The following TERT variants were observed in gnomAD, a reference collection of about 807,000 sequenced individuals.
TERT encodes the protein telomerase catalytic subunit.
In TERT, 42 loss-of-function variants were observed where a neutral mutation model predicts 104.0. The ratio of observed to expected loss-of-function variants is 0.40; its 90% CI spans 0.32 to 0.52. The LOEUF is 0.52. TERT is among the 20% of genes least tolerant of loss of function. The pLI, the probability that TERT is intolerant of heterozygous loss-of-function variation, is 0.43. For synonymous variants in TERT, 781 were observed against 725.6 expected (o/e 1.08, Z -1.23); for missense variants, 1,101 against 1,610.3 (o/e 0.68, Z 5.41).
intron 6 of TERT, among the ~76,000 whole-genome samples, chr5:1,277,574 G>C (rs1420256691): frequency 6.7e-6 from 1 of 148,362 alleles, no homozygotes; most frequent in Non-Finnish European, 1.5e-5. Context: ...GGGTCACGGT[G>C]GGGGCGGTAG....
In TERT at chr5:1,254,244, C is replaced by T; in HGVS notation, c.3295+124G>A. ...ATAGGGCTGCCAGCGTGGCTCCAGG[C>T]CCCCAGGGTCAGGCCCGGGGGCGTC... On this transcript the variant is annotated intron_variant, in intron 15 of 15. Transcript: ENST00000310581. 2.2e-6 allele frequency: 3 copies of T among 1,339,414 alleles called. No homozygotes were observed. The South Asian group carries it at 3.6e-5, about 16-fold the overall frequency. 83.0% of individuals were successfully genotyped at this position (1,339,414 alleles called of 1,614,324 possible).
chr5:1,277,838 C>G (rs1486060167), intron 6 of TERT, among the ~76,000 whole-genome samples: 2 of 152,200 alleles, frequency 1.3e-5, no homozygotes, highest in Non-Finnish European at 2.9e-5. Context: ...CAGACCGAAG[C>G]TCCAGGGATA....
At chr5:1,293,040 G>A (rs183709090) in intron 2 of TERT, among the ~76,000 whole-genome samples, 1 of 152,304 alleles carries the variant, frequency 6.6e-6, no homozygotes, top group African/African-American at 2.4e-5. Context: ...CCACTGCCGC[G>A]CCCAGCCTCC....
At chr5:1,271,091 G>T in intron 8 of TERT, 28 bp downstream of exon 8, 1 of 1,597,946 alleles carries the variant, frequency 6.3e-7, no homozygotes, top group Non-Finnish European at 8.6e-7. Flanking sequence ...CCACCCGCAG[G>T]GCAATGGCAC....
At position 1,264,207 on chromosome 5, in the gene TERT, C is replaced by T. The variant is rs928549691; in HGVS notation, c.2843+197G>A. On this transcript the variant is annotated intron_variant, in intron 11 of 15. Coordinates refer to ENST00000310581, the MANE Select transcript of TERT (RefSeq NM_198253.3). The stretch of plus-strand genomic sequence containing the variant: ...CCAAAATAGCACAGAAAACTGCTCC[C>T]GTTGTGAGCACCCTCACTCCCACAG... The T allele has an allele frequency of 8.4e-5, 52 of 618,640 alleles. 1 individual carries two copies. The highest frequency in any genetic ancestry group is 1.2e-4 in the Non-Finnish European group (42 of 349,248). The allele number at this position is 618,640 out of a possible 1,614,324, so 38.3% of individuals were successfully genotyped here.
Position 1,287,506 on chromosome 5 carries a change from A to ATAT in TERT, c.1574-4883_1574-4882insATA, listed in dbSNP as rs1554041987. On this transcript the variant is annotated intron_variant, in intron 2 of 15. Coordinates refer to ENST00000310581, the MANE Select transcript of TERT (RefSeq NM_198253.3). The surrounding 1 kb of genome is among the most constrained non-coding windows in gnomAD (Gnocchi z 4.3). ...GACCAAGACTCTGTCTCAAAAAAAA[A>ATAT]AAATATATATATATATATATAAATT... 3.0e-4 allele frequency among the ~76,000 whole-genome samples: 39 copies of ATAT among 130,234 alleles called. No individual in the cohort carries two copies. Among genetic ancestry groups the ATAT allele is most frequent in the South Asian group, 8.1e-4 (3 of 3,684 alleles). The allele number at this position is 130,234 out of a possible 152,430, so 85.4% of individuals were successfully genotyped here.
chr5:1,284,725 T>A (rs1750356349), intron 2 of TERT, among the ~76,000 whole-genome samples: 1 of 137,844 alleles, frequency 7.3e-6, no homozygotes, highest in African/African-American at 2.8e-5. Flanking sequence ...ACACCACACA[T>A]CCAGCTCACA....
In TERT at chr5:1,261,334, G is replaced by C. The variant is rs112044700; in HGVS notation, c.2844-734C>G. ...TTAATGGCAGAGCAAGTTTTGTGAT[G>C]CATAATATCTCCTTAGCCCTGTATT... On this transcript the variant is annotated intron_variant, in intron 11 of 15. Transcript: ENST00000310581. This position sits in a 1 kb window ranked among gnomAD's most constrained non-coding sequence, Gnocchi z 7.4. Among the ~76,000 whole-genome samples the C allele has an allele frequency of 9.8e-5, 15 of 152,310 alleles. No individual in the cohort carries two copies. Among genetic ancestry groups the C allele is most frequent in the African/African-American group, 3.6e-4 (15 of 41,566 alleles).
rs947077229 is a variant in TERT at position 1,287,994 on chromosome 5, A to T, written c.1573+5319T>A. On this transcript the variant is annotated intron_variant, in intron 2 of 15. Transcript: ENST00000310581. The surrounding 1 kb of genome is among the most constrained non-coding windows in gnomAD (Gnocchi z 4.3). Reference sequence around the variant, plus strand: ...ACAACTGAGTTAGAAATCAATAATAAAATGATAACTTAAAATACTCTACGT... The same window carrying T: ...ACAACTGAGTTAGAAATCAATAATATAATGATAACTTAAAATACTCTACGT... Among the ~76,000 whole-genome samples, 2 of 152,112 alleles carry T rather than the reference A, an allele frequency of 1.3e-5. No homozygotes were observed. The highest frequency in any genetic ancestry group is 4.8e-5 in the African/African-American group (2 of 41,424).
In TERT at chr5:1,261,254, T is replaced by C. The variant is rs563285557; in HGVS notation, c.2844-654A>G. On this transcript the variant is annotated intron_variant, in intron 11 of 15. Transcript: ENST00000310581. The surrounding 1 kb of genome is among the most constrained non-coding windows in gnomAD (Gnocchi z 7.4). Reference sequence around the variant, plus strand: ...ACATCCAGCTTTGAACACTGCTACATTGAAATAAACGTTTTGTGCCATTAA... The same window carrying C: ...ACATCCAGCTTTGAACACTGCTACACTGAAATAAACGTTTTGTGCCATTAA... 6.6e-6 allele frequency among the ~76,000 whole-genome samples: 1 copy of C among 152,342 alleles called. No homozygotes were observed. Among genetic ancestry groups the C allele is most frequent in the East Asian group, 1.9e-4 (1 of 5,188 alleles).
chr5:1,275,392 G>C (rs200672635), intron 6 of TERT, among the ~76,000 whole-genome samples: 2 of 145,884 alleles, frequency 1.4e-5, no homozygotes, highest in Non-Finnish European at 3.0e-5. Flanking sequence ...AAAAAAAAAA[G>C]AAAGAAAAAA....
chr5:1,278,859 C>T (rs1749803909), intron 5 of TERT, 63 bp from the exon 6 acceptor site: 1 of 1,607,936 alleles, frequency 6.2e-7, no homozygotes, highest in Non-Finnish European at 8.5e-7. Context: ...TCACCTCTGC[C>T]CTCAGGGCCT....
intron 3 of TERT, among the ~76,000 whole-genome samples, 194 bp from the exon 4 acceptor site, chr5:1,280,532 C>T (rs1034092023): frequency 1.3e-5 from 2 of 152,184 alleles, no homozygotes; most frequent in African/African-American, 4.8e-5. Flanking sequence ...ACTTGCAGGG[C>T]ACCTGGACAC....
At position 1,274,261 on chromosome 5, in the gene TERT, G is replaced by C. The variant is rs1749375940; in HGVS notation, c.2287-1981C>G. Among the ~76,000 whole-genome samples, 1 of 152,176 alleles carries C rather than the reference G, an allele frequency of 6.6e-6. No homozygotes were observed. Among genetic ancestry groups the C allele is most frequent in the Non-Finnish European group, 1.5e-5 (1 of 68,044 alleles). The stretch of plus-strand genomic sequence containing the variant: ...GAAGGCAGTAACAGGAAGGTACATG[G>C]GGCCTGCACCCTTCCCAACCCAGGA... On this transcript the variant is annotated intron_variant, in intron 6 of 15. Coordinates refer to ENST00000310581, the MANE Select transcript of TERT (RefSeq NM_198253.3). The surrounding 1 kb of genome is among the most constrained non-coding windows in gnomAD (Gnocchi z 5.3).
intron 2 of TERT, among the ~76,000 whole-genome samples, chr5:1,283,286 A>G: frequency 8.1e-6 from 1 of 123,154 alleles, no homozygotes. Context: ...GGGCCTGGCG[A>G]CCTCACGCCA....
rs1748384177 is a variant in TERT at position 1,263,667 on chromosome 5, A to G, written c.2843+737T>C. Among the ~76,000 whole-genome samples, 1 of 152,196 alleles carries G rather than the reference A, an allele frequency of 6.6e-6. No homozygotes were observed. Among genetic ancestry groups the G allele is most frequent in the South Asian group, 2.1e-4 (1 of 4,828 alleles). On this transcript the variant is annotated intron_variant, in intron 11 of 15. Transcript: ENST00000310581. This position sits in a 1 kb window ranked among gnomAD's most constrained non-coding sequence, Gnocchi z 5.3. ...GTGATCCACCCACCTCGGCCTCCCA[A>G]AGTGCTGGGATTATAGGTGTGAGCC...
At chr5:1,282,798 C>T (rs935208073) in intron 2 of TERT, 174 bp from the exon 3 acceptor site, 6 of 690,756 alleles carry the variant, frequency 8.7e-6, no homozygotes, top group Admixed American at 4.2e-5. Context: ...GGCGACCTCA[C>T]CCTGGACCTG....
At chr5:1,285,858 G>A (rs1432071903) in intron 2 of TERT, among the ~76,000 whole-genome samples, 2 of 151,916 alleles carry the variant, frequency 1.3e-5, no homozygotes, top group South Asian at 2.1e-4. Context: ...GTGAGCCACC[G>A]CGCCCAGCCT....
intron 6 of TERT, among the ~76,000 whole-genome samples, chr5:1,277,483 A>AACCCCAAAACCC (rs1436313309): frequency 6.6e-6 from 1 of 152,138 alleles, no homozygotes; most frequent in Non-Finnish European, 1.5e-5. Context: ...CTGAGGCTCG[A>AACCCCAAAACCC]ACCCCAAAAC....
Sources: gnomAD v4.1 joint callset for allele counts (sites outside exome capture counted in the v4.1 genomes callset) on GRCh38, gnomAD v4.1.1 for gene constraint, Gnocchi (gnomAD v3.1) non-coding constraint, MANE v1.5 for transcripts, NCBI Gene and HGNC (gene_info 2026-07-23, HGNC 2026-07-21) for gene names.